The following RIMBP2 variants were observed in gnomAD, a reference collection of about 807,000 sequenced individuals.
RIMBP2 encodes RIMS-binding protein 2.
A neutral mutation model predicts 118.6 loss-of-function variants in RIMBP2; 48 were observed. That is an observed-to-expected ratio of 0.40 (90% CI 0.32 to 0.51). The LOEUF (loss-of-function observed/expected upper bound fraction) is 0.51. Ranked by LOEUF, RIMBP2 falls within the 20% of genes least tolerant of loss-of-function variation. RIMBP2 has a pLI of 0.41. For synonymous variants in RIMBP2, 762 were observed against 742.9 expected (o/e 1.03, Z -0.42); for missense variants, 1,551 against 1,768.3 (o/e 0.88, Z 2.20).
chr12:130,438,354 C>CAAAA lies in RIMBP2; in HGVS notation c.1656+10_1656+11insTTTT. 3 of 1,037,366 alleles carry CAAAA rather than the reference C, an allele frequency of 2.9e-6. No individual in the cohort carries two copies. Among genetic ancestry groups the CAAAA allele is most frequent in the South Asian group, 1.2e-5 (1 of 80,072 alleles). 64.3% of individuals were successfully genotyped at this position (1,037,366 alleles called of 1,614,324 possible). Reference sequence around the variant, plus strand: ...TAACAAACCCTCCCCACCCACCCAACGAAAACTCACCCTCTGCCCTTTGGC... The same window carrying CAAAA: ...TAACAAACCCTCCCCACCCACCCAACAAAAGAAAACTCACCCTCTGCCCTTTGGC... On this transcript the variant is annotated intron_variant, in intron 12 of 22. Transcript: ENST00000690449.
At position 130,649,587 on chromosome 12, in the gene RIMBP2, G is replaced by C. The variant is rs377642983; in HGVS notation, c.-351-21131C>G. Reference sequence around the variant, plus strand: ...AAAAATCCGGGGTGAACGGCTAGCAGACTCTTCCTTGGAGAGACAGCGCGG... The same window carrying C: ...AAAAATCCGGGGTGAACGGCTAGCACACTCTTCCTTGGAGAGACAGCGCGG... On this transcript the variant is annotated intron_variant, in intron 1 of 22. Coordinates refer to ENST00000690449, the MANE Select transcript of RIMBP2 (RefSeq NM_001393629.1). Among the ~76,000 whole-genome samples the C allele has an allele frequency of 1.4e-4, 21 of 152,206 alleles. No homozygotes were observed. The East Asian group carries it at 3.9e-3, about 28-fold the overall frequency.
chr12:130,472,602 G>A (rs769486728), intron 5 of RIMBP2, among the ~76,000 whole-genome samples: 3 of 152,218 alleles, frequency 2.0e-5, no homozygotes, highest in Non-Finnish European at 4.4e-5. Flanking sequence ...TAGCTGCCTG[G>A]AGAATAATTA....
At chr12:130,514,092 T>C (rs2051189582) in intron 3 of RIMBP2, among the ~76,000 whole-genome samples, 1 of 152,164 alleles carries the variant, frequency 6.6e-6, no homozygotes, top group African/African-American at 2.4e-5. Flanking sequence ...ATGCCTCCCA[T>C]GCAGGTAGCC....
At chr12:130,642,910 G>A (rs567855594) in intron 1 of RIMBP2, among the ~76,000 whole-genome samples, 1 of 152,266 alleles carries the variant, frequency 6.6e-6, no homozygotes, top group Admixed American at 6.5e-5. Flanking sequence ...CTGAGAGAGG[G>A]GCTAGAAGGA....
At chr12:130,536,008 C>T (rs1335109464) in intron 2 of RIMBP2, among the ~76,000 whole-genome samples, 6 of 151,916 alleles carry the variant, frequency 3.9e-5, no homozygotes, top group South Asian at 2.1e-4. Flanking sequence ...AGGCTGGGCT[C>T]GAACTCCTGA....
At position 130,593,735 on chromosome 12, in the gene RIMBP2, C is replaced by G. The variant is rs1282090378; in HGVS notation, c.-217+34587G>C. 3.3e-5 allele frequency among the ~76,000 whole-genome samples: 5 copies of G among 152,226 alleles called. No homozygotes were observed. In the East Asian group the frequency reaches 7.7e-4, roughly 23 times the overall value. ...TTTTCTAAACACTGCATGCCAAGCA[C>G]AGTGTGTCTGTCTGAAGGCAACATT... On this transcript the variant is annotated intron_variant, in intron 2 of 22. Transcript: ENST00000690449.
rs753454208 is a variant in RIMBP2 at position 130,446,027 on chromosome 12, C to T, written c.582-758G>A. ...GACGCATGATTTTATGCTCCCCCCC[C>T]CCACACCCCCAGGAATATAAGAGTA... On this transcript the variant is annotated intron_variant, in intron 9 of 22. Coordinates refer to ENST00000690449, the MANE Select transcript of RIMBP2 (RefSeq NM_001393629.1). The surrounding 1 kb of genome is among the most constrained non-coding windows in gnomAD (Gnocchi z 4.1). Among the ~76,000 whole-genome samples the T allele has an allele frequency of 7.6e-6, 1 of 130,952 alleles. No homozygotes were observed. Among genetic ancestry groups the T allele is most frequent in the Non-Finnish European group, 1.5e-5 (1 of 67,210 alleles). 85.9% of individuals were successfully genotyped at this position (130,952 alleles called of 152,430 possible).
chr12:130,508,652 G>A (rs894946988), intron 3 of RIMBP2, among the ~76,000 whole-genome samples: 21 of 152,020 alleles, frequency 1.4e-4, no homozygotes, highest in African/African-American at 4.8e-4. Context: ...TGGTGTCCAC[G>A]TGTGCTCAGC....
intron 1 of RIMBP2, among the ~76,000 whole-genome samples, chr12:130,712,211 A>G (rs1454336060): frequency 6.6e-6 from 1 of 152,210 alleles, no homozygotes; most frequent in Non-Finnish European, 1.5e-5. Context: ...AAATTTATAC[A>G]AAAATATTCT....
intron 4 of RIMBP2, among the ~76,000 whole-genome samples, chr12:130,496,376 T>C (rs2049157239): frequency 6.6e-6 from 1 of 152,070 alleles, no homozygotes; most frequent in Admixed American, 6.5e-5. Flanking sequence ...GAATGGTGAG[T>C]CCATTAAACC....
chr12:130,609,203 C>A (rs145172818), intron 2 of RIMBP2, among the ~76,000 whole-genome samples: 4 of 151,988 alleles, frequency 2.6e-5, no homozygotes, highest in Non-Finnish European at 5.9e-5. Flanking sequence ...GCTGTCTGCA[C>A]CCCCACGTAT....
intron 1 of RIMBP2, among the ~76,000 whole-genome samples, chr12:130,697,040 G>A (rs2065605567): frequency 2.6e-5 from 4 of 152,178 alleles, no homozygotes; most frequent in Non-Finnish European, 5.9e-5. Flanking sequence ...ATTTTATTTT[G>A]CAGACAATGA....
At chr12:130,554,582 C>T (rs1006525837) in intron 2 of RIMBP2, among the ~76,000 whole-genome samples, 3 of 152,234 alleles carry the variant, frequency 2.0e-5, no homozygotes, top group African/African-American at 7.2e-5. Context: ...TCAGTGAAGG[C>T]ACTGTTGAAC....
intron 1 of RIMBP2, among the ~76,000 whole-genome samples, chr12:130,634,042 C>T (rs1182383963): frequency 1.3e-5 from 2 of 152,226 alleles, no homozygotes; most frequent in Non-Finnish European, 1.5e-5. Flanking sequence ...GCACACAGCA[C>T]GCCTGTCATA....
intron 18 of RIMBP2, 142 bp downstream of exon 18, chr12:130,413,983 C>A (rs1252907616): frequency 1.2e-5 from 11 of 887,360 alleles, no homozygotes; most frequent in Non-Finnish European, 3.5e-6. Context: ...GTCACAGCAC[C>A]ATGCCACCTC....
At chr12:130,579,628 C>A (rs1365650544) in intron 2 of RIMBP2, among the ~76,000 whole-genome samples, 1 of 152,088 alleles carries the variant, frequency 6.6e-6, no homozygotes, top group Non-Finnish European at 1.5e-5. Flanking sequence ...ATCAGCAAAC[C>A]TGGAGGTGGT....
intron 2 of RIMBP2, among the ~76,000 whole-genome samples, chr12:130,556,909 G>A (rs1005302880): frequency 3.9e-5 from 6 of 152,168 alleles, no homozygotes; most frequent in African/African-American, 9.7e-5. Flanking sequence ...GTGCAGAGAC[G>A]TCTTGCATCT....
chr12:130,413,344 C>G (rs538921557), intron 18 of RIMBP2, among the ~76,000 whole-genome samples: 20 of 152,212 alleles, frequency 1.3e-4, no homozygotes, highest in Non-Finnish European at 2.6e-4. Context: ...AGGCTCCTCT[C>G]CTCTCAGAAG....
At chr12:130,680,357 C>T (rs917387147) in intron 1 of RIMBP2, among the ~76,000 whole-genome samples, 1 of 152,160 alleles carries the variant, frequency 6.6e-6, no homozygotes, top group Non-Finnish European at 1.5e-5. Flanking sequence ...CCATAGTACA[C>T]GGTGCCATGG....
Sources: allele counts gnomAD v4.1 joint callset (sites outside exome capture counted in the v4.1 genomes callset), GRCh38; gene constraint gnomAD v4.1.1; non-coding constraint Gnocchi (gnomAD v3.1); transcripts MANE v1.5; gene names NCBI Gene and HGNC (gene_info 2026-07-23, HGNC 2026-07-21).